Variants in SLC5A10 observed in about 807,000 individuals in gnomAD.
SLC5A10 encodes the protein sodium/mannose cotransporter SLC5A10.
SLC5A10 carries 55 observed loss-of-function variants against 68.9 expected under a neutral mutation model. The ratio of observed to expected loss-of-function variants is 0.80; its 90% CI spans 0.64 to 1.00. The LOEUF (loss-of-function observed/expected upper bound fraction) is 1.00. Among genes scored for constraint, SLC5A10 ranks in the 50% least tolerant of loss-of-function variants. SLC5A10 has a pLI of 0.00. For missense variants in SLC5A10, 732 were observed against 819.3 expected (o/e 0.89, Z 1.30); for synonymous variants, 344 against 344.8 (o/e 1.00, Z 0.02).
Position 18,971,361 on chromosome 17 carries a change from A to G in SLC5A10, c.846+143A>G. 4 of 1,558,974 alleles carry G rather than the reference A, an allele frequency of 2.6e-6. No individual in the cohort carries two copies. The highest frequency in any genetic ancestry group is 3.5e-6 in the Non-Finnish European group (4 of 1,158,976). On this transcript the variant is annotated intron_variant, in intron 8 of 14. Transcript: ENST00000395645. The surrounding 1 kb of genome is among the most constrained non-coding windows in gnomAD (Gnocchi z 5.5). ...TGGCTCCAGGCTGGGACATGCTGCT[A>G]GGGGTCTTTGCGGTCCCGGGGGGCT...
chr17:18,969,429 A>T lies in SLC5A10; in HGVS notation c.640+7A>T, dbSNP rs1164878112. 1 of 1,613,268 alleles carries T rather than the reference A, an allele frequency of 6.2e-7. No homozygotes were observed. Among genetic ancestry groups the T allele is most frequent in the Non-Finnish European group, 8.5e-7 (1 of 1,179,636 alleles). Reference sequence around the variant, plus strand: ...GTCATCCTGACAATCAAAGGTGAGGACAGAGTCTGTGGCCATGGCGGGGCT... The same window carrying T: ...GTCATCCTGACAATCAAAGGTGAGGTCAGAGTCTGTGGCCATGGCGGGGCT... On this transcript the variant is annotated splice_region_variant and intron_variant, in intron 7 of 14. Transcript: ENST00000395645.
At position 18,984,133 on chromosome 17, in the gene SLC5A10, C is replaced by G. The variant is rs998319283; in HGVS notation, c.982+7144C>G. On this transcript the variant is annotated intron_variant, in intron 9 of 14. Transcript: ENST00000395645. ...CGAGGCGGGCGGATCACGAGGTCAG[C>G]AGATCGAGACCATCCTGGCTAACAC... 1.3e-4 allele frequency among the ~76,000 whole-genome samples: 20 copies of G among 152,036 alleles called. No individual in the cohort carries two copies. In the South Asian group the frequency reaches 1.7e-3, roughly 13 times the overall value.
chr17:18,991,681 C>T (rs981279755), intron 9 of SLC5A10, among the ~76,000 whole-genome samples: 5 of 152,162 alleles, frequency 3.3e-5, no homozygotes, highest in African/African-American at 9.7e-5. Flanking sequence ...CAGGCGGGCA[C>T]GTGTGTGTCC....
chr17:18,969,818 A>C, intron 7 of SLC5A10: 1 of 185,530 alleles, frequency 5.4e-6, no homozygotes, highest in East Asian at 1.4e-4. Flanking sequence ...CATGTACAAA[A>C]TGCCAAGAGG....
At chr17:18,962,933 A>T (rs1004995514) in intron 5 of SLC5A10, among the ~76,000 whole-genome samples, 3 of 152,160 alleles carry the variant, frequency 2.0e-5, no homozygotes, top group Non-Finnish European at 4.4e-5. Flanking sequence ...AGAAAGGCAG[A>T]GGGGGCCGGC....
At chr17:18,979,281 C>A in intron 9 of SLC5A10, 1 of 512,864 alleles carries the variant, frequency 1.9e-6, no homozygotes, top group South Asian at 2.3e-5. Context: ...CTCAGAGTGA[C>A]CCCCATAGGC....
chr17:19,019,403 T>G lies in SLC5A10; in HGVS notation c.1242-20T>G, dbSNP rs766116196. The stretch of plus-strand genomic sequence containing the variant: ...AGAGCCTCCCACGACGACCGCTGCC[T>G]GCCTTCCACTCGCCTGCAGGCTGGT... On this transcript the variant is annotated intron_variant, in intron 11 of 14. Transcript: ENST00000395645. The G allele has an allele frequency of 3.1e-6, 5 of 1,601,248 alleles. No homozygotes were observed. The highest frequency in any genetic ancestry group is 4.3e-6 in the Non-Finnish European group (5 of 1,175,182).
chr17:18,994,687 T>A (rs2472711), intron 9 of SLC5A10, among the ~76,000 whole-genome samples: 1 of 151,776 alleles, frequency 6.6e-6, no homozygotes, highest in Non-Finnish European at 1.5e-5. Context: ...CTGCAGGGGG[T>A]GTCCTCAGAA....
At chr17:18,993,467 C>A (rs1276070877) in intron 9 of SLC5A10, among the ~76,000 whole-genome samples, 1 of 152,170 alleles carries the variant, frequency 6.6e-6, no homozygotes, top group Non-Finnish European at 1.5e-5. Context: ...ACGTGACAAG[C>A]CTTACACTCA....
chr17:18,952,745 G>T (rs2042397179), intron 1 of SLC5A10, among the ~76,000 whole-genome samples: 6 of 152,026 alleles, frequency 3.9e-5, no homozygotes, highest in Admixed American at 2.6e-4. Context: ...GGGAACTGGG[G>T]GTCTTTATTT....
rs1004560137 is a variant in SLC5A10 at position 19,003,697 on chromosome 17, G to A, written c.983-9713G>A. On this transcript the variant is annotated intron_variant, in intron 9 of 14. Coordinates refer to ENST00000395645, the MANE Select transcript of SLC5A10 (RefSeq NM_001042450.4). This position sits in a 1 kb window ranked among gnomAD's most constrained non-coding sequence, Gnocchi z 4.5. ...ACTTCTGGGGCCAGTACTCCAGGGAGGGCAGCGGCTCGGCCTCGATGGGGA... is the reference window on the plus strand; with the variant it reads ...ACTTCTGGGGCCAGTACTCCAGGGAAGGCAGCGGCTCGGCCTCGATGGGGA... 4.4e-6 allele frequency: 7 copies of A among 1,607,766 alleles called. No homozygotes were observed. Among genetic ancestry groups the A allele is most frequent in the African/African-American group, 2.7e-5 (2 of 74,792 alleles).
At chr17:18,987,821 A>G (rs2152129067) in intron 9 of SLC5A10, among the ~76,000 whole-genome samples, 1 of 152,346 alleles carries the variant, frequency 6.6e-6, no homozygotes, top group East Asian at 1.9e-4. Flanking sequence ...TTCTAAGGAG[A>G]CAGATTTGGG....
At chr17:19,008,430 G>A (rs1435765382) in intron 9 of SLC5A10, among the ~76,000 whole-genome samples, 1 of 151,686 alleles carries the variant, frequency 6.6e-6, no homozygotes, top group Non-Finnish European at 1.5e-5. Context: ...AGTTTAGATT[G>A]AGGGTAGGTT....
At chr17:18,965,078 AG>A (rs1321521031) in intron 5 of SLC5A10, among the ~76,000 whole-genome samples, 1 of 94,584 alleles carries the variant, frequency 1.1e-5, no homozygotes, top group Non-Finnish European at 2.0e-5. Context: ...CAGGAGGCAG[AG>A]GTTTTTTTAA....
rs62066653 is a variant in SLC5A10, at chr17:19,015,197, A to T, written c.1239A>T (p.Gly413=). 3.3e-6 allele frequency: 3 copies of T among 907,520 alleles called. No homozygotes were observed. The highest frequency in any genetic ancestry group is 5.1e-6 in the Non-Finnish European group (3 of 594,040). The allele number at this position is 907,520 out of a possible 1,614,324, so 56.2% of individuals were successfully genotyped here. A position where few individuals can be genotyped will look rare whatever the true frequency, so the allele number is the denominator to read the frequency against. The change falls in exon 11 of 15, where the codon GGA becomes GGT. Residue 413 remains glycine (G), a splice_region_variant and synonymous_variant. Transcript: ENST00000395645. The part of the protein sequence containing the change: ...RSGERELLLV[G]RLVIVALIGV... ...GCGAGCGGGAGCTCCTGCTGGTGGGACGGTACGGGGGTGGGGGCCAGTACG... is the reference window on the plus strand; with the variant it reads ...GCGAGCGGGAGCTCCTGCTGGTGGGTCGGTACGGGGGTGGGGGCCAGTACG...
chr17:18,999,113 A>G (rs2043652432), intron 9 of SLC5A10, among the ~76,000 whole-genome samples: 1 of 152,158 alleles, frequency 6.6e-6, no homozygotes, highest in African/African-American at 2.4e-5. Context: ...CCCCGTTTCT[A>G]TTAAAAATAC....
chr17:19,017,147 G>A lies in SLC5A10; in HGVS notation c.1241+1948G>A, dbSNP rs1567815702. ...GCAGTCGGCCTCCCTGAGGAGCAAG[G>A]CACAAGGCTGCGTGGTGCAGGGCAG... On this transcript the variant is annotated intron_variant, in intron 11 of 14. Transcript: ENST00000395645. This position sits in a 1 kb window ranked among gnomAD's most constrained non-coding sequence, Gnocchi z 5.6. 1 of 734,124 alleles carries A rather than the reference G, an allele frequency of 1.4e-6. No individual in the cohort carries two copies. The highest frequency in any genetic ancestry group is 1.8e-5 in the South Asian group (1 of 55,942). 45.5% of individuals were successfully genotyped at this position (734,124 alleles called of 1,614,324 possible).
intron 1 of SLC5A10, among the ~76,000 whole-genome samples, chr17:18,953,133 T>C (rs1394540710): frequency 7.3e-6 from 1 of 137,568 alleles, no homozygotes; most frequent in Non-Finnish European, 1.5e-5. Flanking sequence ...CCCTTCTTTT[T>C]TTTTTTTTTT....
chr17:19,009,676 G>A (rs1184295391), intron 9 of SLC5A10, among the ~76,000 whole-genome samples: 1 of 152,090 alleles, frequency 6.6e-6, no homozygotes, highest in Non-Finnish European at 1.5e-5. Context: ...GACCTCCTTG[G>A]GAGGGAATCA....
Sources: allele counts gnomAD v4.1 joint callset (sites outside exome capture counted in the v4.1 genomes callset), GRCh38; gene constraint gnomAD v4.1.1; non-coding constraint Gnocchi (gnomAD v3.1); transcripts MANE v1.5; gene names NCBI Gene and HGNC (gene_info 2026-07-23, HGNC 2026-07-21).